The following DAB1 variants were observed in gnomAD, a reference collection of about 807,000 sequenced individuals.
DAB1 encodes DAB adaptor protein 1, also known as disabled homolog 1.
In DAB1, 15 loss-of-function variants were observed where a neutral mutation model predicts 64.6. The ratio of observed to expected loss-of-function variants is 0.23; its 90% confidence interval spans 0.16 to 0.36. The LOEUF is 0.36. Among genes scored for constraint, DAB1 ranks in the 10% least tolerant of loss-of-function variants. The pLI, the probability that DAB1 is intolerant of heterozygous loss-of-function variation, is 1.00. For synonymous variants in DAB1, 235 were observed against 251.9 expected (o/e 0.93, Z 0.64); for missense variants, 596 against 706.7 (o/e 0.84, Z 1.78).
chr1:58,299,162 C>G (rs1211601893), intron 4 of DAB1, among the ~76,000 whole-genome samples: 1 of 152,172 alleles, frequency 6.6e-6, no homozygotes, highest in Non-Finnish European at 1.5e-5. Context: ...AGCAGAGGGT[C>G]TGGCTCAGAG....
intron 6 of DAB1, among the ~76,000 whole-genome samples, chr1:57,798,800 T>C (rs548979077): frequency 6.6e-6 from 1 of 152,352 alleles, no homozygotes; most frequent in East Asian, 1.9e-4. Flanking sequence ...GATTTTGCAA[T>C]TGTAAATAAG....
At chr1:58,105,830 C>A (rs1166175602) in intron 5 of DAB1, among the ~76,000 whole-genome samples, 4 of 152,192 alleles carry the variant, frequency 2.6e-5, no homozygotes, top group Admixed American at 2.6e-4. Flanking sequence ...CAATTCTGAG[C>A]CTCTCTGCCA....
chr1:57,135,472 T>C (rs770058216), intron 4 of DAB1, among the ~76,000 whole-genome samples: 6 of 152,236 alleles, frequency 3.9e-5, no homozygotes, highest in Non-Finnish European at 5.9e-5. Context: ...TTTCACTGTA[T>C]GTATATACAA....
At chr1:57,979,121 T>G (rs1471381746) in intron 5 of DAB1, among the ~76,000 whole-genome samples, 2 of 152,218 alleles carry the variant, frequency 1.3e-5, no homozygotes, top group Non-Finnish European at 2.9e-5. Context: ...CACATATGTT[T>G]ATTGCAGTAC....
intron 4 of DAB1, among the ~76,000 whole-genome samples, chr1:58,275,031 C>A (rs1189461252): frequency 6.6e-6 from 1 of 152,170 alleles, no homozygotes; most frequent in Admixed American, 6.5e-5. Context: ...GGCTCCTCCC[C>A]CTATACTCAA....
intron 6 of DAB1, among the ~76,000 whole-genome samples, chr1:57,774,333 C>T (rs1649696525): frequency 6.6e-6 from 1 of 151,814 alleles, no homozygotes; most frequent in Non-Finnish European, 1.5e-5. Flanking sequence ...AAATTCACCT[C>T]TTAATTCCAG....
At chr1:58,040,074 A>C (rs758751919) in intron 5 of DAB1, among the ~76,000 whole-genome samples, 1 of 152,178 alleles carries the variant, frequency 6.6e-6, no homozygotes, top group African/African-American at 2.4e-5. Context: ...AGCATCTCCA[A>C]CCAAATTAAT....
At chr1:57,963,927 T>C (rs1461798265) in intron 5 of DAB1, among the ~76,000 whole-genome samples, 1 of 152,114 alleles carries the variant, frequency 6.6e-6, no homozygotes, top group Non-Finnish European at 1.5e-5. Flanking sequence ...AGAAAGAACA[T>C]ATAATTTTGT....
intron 5 of DAB1, among the ~76,000 whole-genome samples, chr1:57,973,774 C>T (rs1444926718): frequency 6.6e-6 from 1 of 152,090 alleles, no homozygotes; most frequent in Non-Finnish European, 1.5e-5. Context: ...CTCCAAGTCG[C>T]CATCATTTCT....
rs185005240 is a variant in DAB1, at chr1:57,437,239, C to T, written n.626-146073G>A. 6.6e-5 allele frequency among the ~76,000 whole-genome samples: 10 copies of T among 152,050 alleles called. No homozygotes were observed. The East Asian group carries it at 1.9e-3, about 30-fold the overall frequency. ...TGTCCACAAGCTGTGAAACCAGAGT[C>T]AAATTTCAAATAATTCTCTTCCCTT... On this transcript the variant is annotated intron_variant and non_coding_transcript_variant, in intron 7 of 20. Coordinates refer to the DAB1 transcript ENST00000485760.
chr1:58,136,376 C>T (rs1008129699), intron 5 of DAB1, among the ~76,000 whole-genome samples: 11 of 152,158 alleles, frequency 7.2e-5, no homozygotes, highest in African/African-American at 7.2e-5. Context: ...ATGTCCCCCA[C>T]GCCCTGTGTC....
intron 7 of DAB1, among the ~76,000 whole-genome samples, chr1:57,445,270 A>T (rs1388808370): frequency 6.6e-6 from 1 of 152,162 alleles, no homozygotes; most frequent in African/African-American, 2.4e-5. Context: ...TAGAGCATAC[A>T]TATATATGCA....
At chr1:57,225,966 T>C (rs1040107649) in intron 2 of DAB1, among the ~76,000 whole-genome samples, 5 of 152,158 alleles carry the variant, frequency 3.3e-5, no homozygotes, top group African/African-American at 4.8e-5. Flanking sequence ...CCCACAACAA[T>C]GGGTGCAGCC....
At chr1:57,163,705 G>C (rs1660971295) in intron 2 of DAB1, among the ~76,000 whole-genome samples, 1 of 152,088 alleles carries the variant, frequency 6.6e-6, no homozygotes. Flanking sequence ...GACAGCACTA[G>C]ATAAGAAATG....
At chr1:57,238,885 A>C (rs991011964) in intron 2 of DAB1, among the ~76,000 whole-genome samples, 3 of 151,652 alleles carry the variant, frequency 2.0e-5, no homozygotes, top group Non-Finnish European at 4.4e-5. Context: ...ACACACACAC[A>C]CACACACACC....
chr1:57,260,716 A>T (rs1037574101), intron 2 of DAB1, among the ~76,000 whole-genome samples: 1 of 152,162 alleles, frequency 6.6e-6, no homozygotes, highest in African/African-American at 2.4e-5. Flanking sequence ...GTCACAAAGC[A>T]GGTTTGCAGC....
rs980435112 is a variant in DAB1 at position 57,057,834 on chromosome 1, T to G, written c.723+5050A>C. Among the ~76,000 whole-genome samples, 2 of 151,988 alleles carry G rather than the reference T, an allele frequency of 1.3e-5. 1 individual carries two copies. The highest frequency in any genetic ancestry group is 4.1e-4 in the South Asian group (2 of 4,820). On this transcript the variant is annotated intron_variant, in intron 9 of 14. Coordinates refer to ENST00000371236, the MANE Select transcript of DAB1 (RefSeq NM_001365792.1). ...TGTATTAGCCAGGATGGTCTCGATCTCCTGACCTCCTGATCCGCCCGCCTT... is the reference window on the plus strand; with the variant it reads ...TGTATTAGCCAGGATGGTCTCGATCGCCTGACCTCCTGATCCGCCCGCCTT...
At position 57,949,118 on chromosome 1, in the gene DAB1, C is replaced by A. The variant is rs753159276; in HGVS notation, n.388-64956G>T. The stretch of plus-strand genomic sequence containing the variant: ...GTTACGTTAAGCCAGCGGTCCCCAA[C>A]CTTTTTGGCACCAGGGACAGATTTT... On this transcript the variant is annotated intron_variant and non_coding_transcript_variant, in intron 5 of 20. Coordinates refer to the DAB1 transcript ENST00000485760. 5.3e-5 allele frequency among the ~76,000 whole-genome samples: 8 copies of A among 152,184 alleles called. No individual in the cohort carries two copies. In the South Asian group the frequency reaches 1.2e-3, roughly 24 times the overall value.
Position 58,197,527 on chromosome 1 carries a change from G to A in DAB1, n.310-46939C>T, listed in dbSNP as rs191627867. Among the ~76,000 whole-genome samples, 1,000 of 151,834 alleles carry A rather than the reference G, an allele frequency of 6.6e-3. 5 individuals carry two copies. The highest frequency in any genetic ancestry group is 0.01 in the Non-Finnish European group (687 of 67,956). On this transcript the variant is annotated intron_variant and non_coding_transcript_variant, in intron 4 of 20. Transcript: ENST00000485760. ...CTGCCTCAGCCTCCCGAGTGGCTGGGGCTACAGGTGCGCGCCACTACACCC... is the reference window on the plus strand; with the variant it reads ...CTGCCTCAGCCTCCCGAGTGGCTGGAGCTACAGGTGCGCGCCACTACACCC...
Sources: allele counts gnomAD v4.1 joint callset (sites outside exome capture counted in the v4.1 genomes callset), GRCh38; gene constraint gnomAD v4.1.1; transcripts MANE v1.5; gene names NCBI Gene and HGNC (gene_info 2026-07-23, HGNC 2026-07-21).